Variants in PAWR observed in about 807,000 individuals in gnomAD.
PAWR encodes PRKC apoptosis WT1 regulator protein.
PAWR carries 23 observed loss-of-function variants against 32.0 expected under a neutral mutation model. The observed-to-expected ratio is 0.72, with a 90% CI of 0.52 to 1.02. PAWR has a LOEUF of 1.02. Ranked by LOEUF, PAWR falls within the 50% of genes least tolerant of loss-of-function variation. The pLI, the probability that PAWR is intolerant of heterozygous loss-of-function variation, is 0.00. For synonymous variants in PAWR, 226 were observed against 187.1 expected (o/e 1.21, Z -1.70); for missense variants, 457 against 437.7 (o/e 1.04, Z -0.39).
intron 2 of PAWR, among the ~76,000 whole-genome samples, chr12:79,672,253 C>A (rs1387238439): frequency 6.6e-6 from 1 of 152,146 alleles, no homozygotes. Context: ...ACTTCCTCTG[C>A]TTCAACCAAC....
intron 2 of PAWR, among the ~76,000 whole-genome samples, chr12:79,658,502 T>C (rs1193272678): frequency 7.2e-5 from 11 of 152,304 alleles, no homozygotes. Flanking sequence ...AATAAAAACT[T>C]ATGTTTACAT....
intron 2 of PAWR, among the ~76,000 whole-genome samples, chr12:79,639,519 C>T (rs1876177307): frequency 6.6e-6 from 1 of 152,126 alleles, no homozygotes; most frequent in Non-Finnish European, 1.5e-5. Context: ...CATCTTTAGC[C>T]TCAACTGGTC....
intron 2 of PAWR, among the ~76,000 whole-genome samples, chr12:79,637,413 C>A (rs1876012550): frequency 6.6e-6 from 1 of 151,888 alleles, no homozygotes; most frequent in South Asian, 2.1e-4. Context: ...ATTAGTCCTT[C>A]TTTTATCTAG....
rs181541317 is a variant in PAWR at position 79,677,911 on chromosome 12, C to T, written c.516+11818G>A. ...AGGGATAACGTTAAGCTATAAACTT[C>T]TCCATGATTACACTAGAATCAAACT... On this transcript the variant is annotated intron_variant, in intron 2 of 6. Transcript: ENST00000328827. Among the ~76,000 whole-genome samples the T allele has an allele frequency of 2.0e-4, 30 of 152,256 alleles. 1 individual carries two copies. The highest frequency in any genetic ancestry group is 1.4e-3 in the Admixed American group (21 of 15,286).
At chr12:79,651,109 C>T (rs1053295667) in intron 2 of PAWR, among the ~76,000 whole-genome samples, 1 of 152,128 alleles carries the variant, frequency 6.6e-6, no homozygotes, top group East Asian at 1.9e-4. Context: ...TCAAGAAATC[C>T]ACTTGGGTGC....
intron 2 of PAWR, among the ~76,000 whole-genome samples, chr12:79,676,731 T>A (rs1004536061): frequency 4.6e-5 from 7 of 151,786 alleles, no homozygotes; most frequent in African/African-American, 7.2e-5. Flanking sequence ...CAGTTTCACT[T>A]ACTATTTCCT....
chr12:79,681,971 C>T (rs1878467850), intron 2 of PAWR, among the ~76,000 whole-genome samples: 1 of 152,076 alleles, frequency 6.6e-6, no homozygotes, highest in Non-Finnish European at 1.5e-5. Context: ...AATAGAAAAT[C>T]AATTGATACT....
chr12:79,690,891 G>T lies in PAWR; in HGVS notation c.-167C>A, dbSNP rs1878991128. 2 of 152,346 alleles carry T rather than the reference G, an allele frequency of 1.3e-5. No individual in the cohort carries two copies. Among genetic ancestry groups the T allele is most frequent in the African/African-American group, 4.8e-5 (2 of 41,572 alleles). 9.4% of individuals were successfully genotyped at this position (152,346 alleles called of 1,614,324 possible). ...CCTTACCTTGGAGGAGCTTGTAGGG[G>T]ACGAGGCGTAGGGCTGGGATCCGGC... On this transcript the variant is annotated 5_prime_UTR_variant, in exon 1 of 7. Coordinates refer to ENST00000328827, the MANE Select transcript of PAWR (RefSeq NM_002583.4).
At chr12:79,622,377 A>G (rs1403063420) in intron 2 of PAWR, among the ~76,000 whole-genome samples, 1 of 152,126 alleles carries the variant, frequency 6.6e-6, no homozygotes, top group East Asian at 1.9e-4. Context: ...TTACACATGT[A>G]TACATGTGCC....
At chr12:79,625,050 C>A (rs1349360885) in intron 2 of PAWR, among the ~76,000 whole-genome samples, 1 of 151,994 alleles carries the variant, frequency 6.6e-6, no homozygotes, top group Non-Finnish European at 1.5e-5. Flanking sequence ...TATGACATTA[C>A]CTGTTCTCCC....
At chr12:79,629,645 A>G (rs545644038) in intron 2 of PAWR, among the ~76,000 whole-genome samples, 2 of 151,628 alleles carry the variant, frequency 1.3e-5, no homozygotes, top group Non-Finnish European at 2.9e-5. Flanking sequence ...TTTATAGAAC[A>G]CTCCCCCCAC....
At chr12:79,632,344 TATATATA>T (rs1875726652) in intron 2 of PAWR, among the ~76,000 whole-genome samples, 6 of 63,932 alleles carry the variant, frequency 9.4e-5, no homozygotes, top group African/African-American at 9.2e-4. Flanking sequence ...TATATATATA[TATATATA>T]TATATATATA....
chr12:79,625,288 A>G (rs1259814025), intron 2 of PAWR, among the ~76,000 whole-genome samples: 1 of 152,136 alleles, frequency 6.6e-6, no homozygotes, highest in Non-Finnish European at 1.5e-5. Flanking sequence ...AGTCTAACAC[A>G]TGCATAATTG....
At chr12:79,660,026 C>T (rs1218551332) in intron 2 of PAWR, among the ~76,000 whole-genome samples, 2 of 152,190 alleles carry the variant, frequency 1.3e-5, no homozygotes, top group Non-Finnish European at 2.9e-5. Flanking sequence ...ACAATACACT[C>T]TCTCACTATG....
intron 2 of PAWR, 55 bp from the exon 3 acceptor site, chr12:79,621,262 T>C (rs1874999661): frequency 4.5e-6 from 6 of 1,319,416 alleles, no homozygotes; most frequent in Non-Finnish European, 6.3e-6. Flanking sequence ...ACTGTTTCGA[T>C]AATATGTGAA....
chr12:79,606,875 T>C (rs1874206005), intron 4 of PAWR, among the ~76,000 whole-genome samples: 3 of 152,112 alleles, frequency 2.0e-5, no homozygotes, highest in South Asian at 2.1e-4. Flanking sequence ...CCTAGGACTA[T>C]CAAGGAATTA....
chr12:79,638,890 ATATATATTTTTTTTTTTTTTTTTT>A (rs1876128353), intron 2 of PAWR, among the ~76,000 whole-genome samples: 1 of 12,382 alleles, frequency 8.1e-5, no homozygotes. Context: ...ATATATATAT[ATATATATTTTTTTTTTTTTTTTTT>A]TTTTTTTTTT....
intron 2 of PAWR, among the ~76,000 whole-genome samples, chr12:79,633,345 A>G (rs892380916): frequency 1.3e-5 from 2 of 152,170 alleles, no homozygotes; most frequent in Admixed American, 6.5e-5. Context: ...ATGTGAACAG[A>G]TATTTCACCA....
At chr12:79,642,696 T>A (rs750066552) in intron 2 of PAWR, among the ~76,000 whole-genome samples, 23 of 152,206 alleles carry the variant, frequency 1.5e-4, no homozygotes, top group Non-Finnish European at 2.9e-5. Context: ...AGAGGTCATA[T>A]CTGCAAATCT....
Sources: gnomAD v4.1 joint callset for allele counts (sites outside exome capture counted in the v4.1 genomes callset) on GRCh38, gnomAD v4.1.1 for gene constraint, MANE v1.5 for transcripts, NCBI Gene and HGNC (gene_info 2026-07-23, HGNC 2026-07-21) for gene names.